Variants in SELENOI observed in about 807,000 individuals in gnomAD.
The protein encoded by SELENOI is selenoprotein I.
Under a neutral mutation model 50.7 loss-of-function variants are expected in SELENOI, and 24 were observed. The ratio of observed to expected loss-of-function variants is 0.47; its 90% confidence interval spans 0.34 to 0.67. The LOEUF (loss-of-function observed/expected upper bound fraction) is 0.67, where lower values mean the gene tolerates loss of function less well. Ranked by LOEUF, SELENOI falls within the 30% of genes least tolerant of loss-of-function variation. The pLI is 0.01. For missense variants in SELENOI, 352 were observed against 461.4 expected (o/e 0.76, Z 2.17); for synonymous variants, 155 against 170.2 (o/e 0.91, Z 0.70).
intron 4 of SELENOI, among the ~76,000 whole-genome samples, chr2:26,368,442 C>T (rs1167116783): frequency 6.6e-6 from 1 of 152,148 alleles, no homozygotes; most frequent in African/African-American, 2.4e-5. Context: ...TTGTTCTAGG[C>T]CCACAGTTTT....
At chr2:26,351,488 A>G (rs1252410616) in intron 1 of SELENOI, among the ~76,000 whole-genome samples, 1 of 152,232 alleles carries the variant, frequency 6.6e-6, no homozygotes, top group African/African-American at 2.4e-5. Context: ...TTGAAAAATT[A>G]CGAGTGAAAC....
At chr2:26,377,786 T>A (rs1051075949) in intron 6 of SELENOI, among the ~76,000 whole-genome samples, 4 of 152,234 alleles carry the variant, frequency 2.6e-5, no homozygotes, top group African/African-American at 9.6e-5. Context: ...AAAGTCTGTC[T>A]ACTGAGTCCA....
At position 26,350,858 on chromosome 2, in the gene SELENOI, C is replaced by G. The variant is rs141380311; in HGVS notation, c.57+4569C>G. 2.0e-3 allele frequency among the ~76,000 whole-genome samples: 310 copies of G among 152,200 alleles called. 4 individuals carry two copies. The Middle Eastern group carries it at 0.034, about 17-fold the overall frequency. On this transcript the variant is annotated intron_variant, in intron 1 of 9. Transcript: ENST00000260585. Reference sequence around the variant, plus strand: ...AGAGAGAAGGAGAGAGAGAGAGATGCTGCTCCATTTATGATGGGTTTCTGT... The same window carrying G: ...AGAGAGAAGGAGAGAGAGAGAGATGGTGCTCCATTTATGATGGGTTTCTGT...
chr2:26,363,126 G>A (rs950627415), intron 1 of SELENOI, among the ~76,000 whole-genome samples: 2 of 152,176 alleles, frequency 1.3e-5, no homozygotes, highest in Non-Finnish European at 2.9e-5. Flanking sequence ...ATGCAATTCA[G>A]TATCCTGCTA....
Position 26,364,814 on chromosome 2 carries a change from A to C in SELENOI, c.127-18A>C. 1 of 1,565,546 alleles carries C rather than the reference A, an allele frequency of 6.4e-7. No homozygotes were observed. The highest frequency in any genetic ancestry group is 1.7e-4 in the Middle Eastern group (1 of 5,890). ...ATTCCTCTACTTTAATTATTTTATA[A>C]TTATTTTGCAAAAATAGGTATTTCC... is the stretch of plus-strand genomic sequence containing the variant. On this transcript the variant is annotated intron_variant, in intron 2 of 9. Coordinates refer to ENST00000260585, the MANE Select transcript of SELENOI (RefSeq NM_033505.4).
chr2:26,370,256 C>T (rs4392015), intron 4 of SELENOI, among the ~76,000 whole-genome samples: 3,796 of 151,442 alleles, frequency 0.025, 130 homozygotes, highest in African/African-American at 0.081. Context: ...CCATGTCTAC[C>T]TCTTTCTACA....
chr2:26,379,174 G>A (rs145214146), intron 6 of SELENOI, among the ~76,000 whole-genome samples: 2 of 152,198 alleles, frequency 1.3e-5, no homozygotes, highest in African/African-American at 4.8e-5. Flanking sequence ...TGAGGCAGGA[G>A]AATCGCTTGA....
chr2:26,378,717 A>G (rs952754421), intron 6 of SELENOI, among the ~76,000 whole-genome samples: 2 of 145,474 alleles, frequency 1.4e-5, no homozygotes, highest in African/African-American at 4.9e-5. Context: ...TAGTACCTTC[A>G]AGTAGTTGTT....
Position 26,395,143 on chromosome 2 carries a change from C to G in SELENOI, c.*6040C>G, listed in dbSNP as rs190437454. The stretch of plus-strand genomic sequence containing the variant: ...GGTTGTGTGTGATGTGTGTGTATGC[C>G]TATTTAATATGTACACATATATTCA... On this transcript the variant is annotated 3_prime_UTR_variant, in exon 10 of 10. Transcript: ENST00000260585. 6.6e-6 allele frequency: 1 copy of G among 152,084 alleles called. No individual in the cohort carries two copies. Among genetic ancestry groups the G allele is most frequent in the Non-Finnish European group, 1.5e-5 (1 of 68,018 alleles). The allele number at this position is 152,084 out of a possible 1,614,324, so 9.4% of individuals were successfully genotyped here. A position where few individuals can be genotyped will look rare whatever the true frequency, so the allele number is the denominator to read the frequency against.
chr2:26,380,378 G>A (rs1677661532), intron 6 of SELENOI, among the ~76,000 whole-genome samples: 1 of 151,938 alleles, frequency 6.6e-6, no homozygotes, highest in Non-Finnish European at 1.5e-5. Flanking sequence ...TATATGTACT[G>A]TACTATGTAC....
At chr2:26,367,701 A>C (rs1391239251) in intron 4 of SELENOI, among the ~76,000 whole-genome samples, 1 of 152,222 alleles carries the variant, frequency 6.6e-6, no homozygotes, top group Non-Finnish European at 1.5e-5. Flanking sequence ...ATAATTAAAA[A>C]ATAGTATGAT....
Position 26,373,380 on chromosome 2 carries a change from A to C in SELENOI, c.324A>C (p.Gly108=). The C allele has an allele frequency of 6.2e-7, 1 of 1,610,106 alleles. No homozygotes were observed. Residue 108 remains glycine, a synonymous_variant, in exon 5 of 10, where the codon GGA becomes GGC. Transcript: ENST00000260585. ...TTTTTGTTGCAGATGGTGTGGACGG[A>C]AAGCAAGCTCGCAGAACCAATTCTA... ...FVAYTLDGVD[G]KQARRTNSST... is the part of the protein sequence containing the mutation.
rs1677957461 is a variant in SELENOI at position 26,391,118 on chromosome 2, A to G, written c.*2015A>G. The stretch of plus-strand genomic sequence containing the variant: ...ATAGTTTGGGGGCCCTTTTACTTCA[A>G]AGGTGTGTTTCTGCCCTCTTTTGGT... On this transcript the variant is annotated 3_prime_UTR_variant, in exon 10 of 10. Transcript: ENST00000260585. 1 of 152,180 alleles carries G rather than the reference A, an allele frequency of 6.6e-6. No individual in the cohort carries two copies. The highest frequency in any genetic ancestry group is 3.1e-3 in the Middle Eastern group (1 of 320). 9.4% of individuals were successfully genotyped at this position (152,180 alleles called of 1,614,324 possible). A position where few individuals can be genotyped will look rare whatever the true frequency, so the allele number is the denominator to read the frequency against.
At chr2:26,377,922 A>G (rs1677602423) in intron 6 of SELENOI, among the ~76,000 whole-genome samples, 1 of 152,070 alleles carries the variant, frequency 6.6e-6, no homozygotes, top group Non-Finnish European at 1.5e-5. Flanking sequence ...TGTGGAGACT[A>G]TAATCTGTTC....
chr2:26,370,690 G>C (rs1420427064), intron 4 of SELENOI, among the ~76,000 whole-genome samples: 2 of 136,454 alleles, frequency 1.5e-5, no homozygotes, highest in Non-Finnish European at 3.2e-5. Flanking sequence ...AGGGGCCACC[G>C]GGCAGAGGCG....
intron 1 of SELENOI, among the ~76,000 whole-genome samples, chr2:26,350,118 G>A (rs1358303167): frequency 1.3e-5 from 2 of 150,688 alleles, no homozygotes; most frequent in Non-Finnish European, 2.9e-5. Context: ...AAAAAAAAAA[G>A]TGTGTGTGTA....
chr2:26,366,026 C>T (rs1677280388), intron 3 of SELENOI, among the ~76,000 whole-genome samples: 1 of 152,088 alleles, frequency 6.6e-6, no homozygotes, highest in African/African-American at 2.4e-5. Context: ...GTCTCAAACT[C>T]CTGACCTCAA....
rs1677957589 is a variant in SELENOI, at chr2:26,391,120, GGT to G, written c.*2022_*2023del. 6.6e-6 allele frequency: 1 copy of G among 152,086 alleles called. No individual in the cohort carries two copies. Among genetic ancestry groups the G allele is most frequent in the Non-Finnish European group, 1.5e-5 (1 of 68,020 alleles). The allele number at this position is 152,086 out of a possible 1,614,324, so 9.4% of individuals were successfully genotyped here. On this transcript the variant is annotated 3_prime_UTR_variant, in exon 10 of 10. Coordinates refer to ENST00000260585, the MANE Select transcript of SELENOI (RefSeq NM_033505.4). Reference sequence around the variant, plus strand: ...AGTTTGGGGGCCCTTTTACTTCAAAGGTGTGTTTCTGCCCTCTTTTGGTTGTA... The same window carrying G: ...AGTTTGGGGGCCCTTTTACTTCAAAGGTGTTTCTGCCCTCTTTTGGTTGTA...
chr2:26,348,397 A>G (rs2147941235), intron 1 of SELENOI, among the ~76,000 whole-genome samples: 1 of 152,358 alleles, frequency 6.6e-6, no homozygotes, highest in South Asian at 2.1e-4. Context: ...AGTTTAATTT[A>G]TCTTCCCTAG....
Sources: allele counts gnomAD v4.1 joint callset (sites outside exome capture counted in the v4.1 genomes callset), GRCh38; gene constraint gnomAD v4.1.1; transcripts MANE v1.5; gene names NCBI Gene and HGNC (gene_info 2026-07-23, HGNC 2026-07-21).